Variants in EXOC3L1 observed in about 807,000 individuals in gnomAD.
EXOC3L1 encodes exocyst complex component 3 like 1, also known as exocyst complex component 3-like protein.
EXOC3L1 carries 79 observed loss-of-function variants against 83.6 expected under a neutral mutation model. The observed-to-expected ratio is 0.95, with a 90% CI of 0.79 to 1.14. The LOEUF is 1.14. Among genes scored for constraint, EXOC3L1 ranks in the 50% most tolerant of loss-of-function variants. The probability of loss-of-function intolerance (pLI) is 0.00; values close to 1 mark genes in which losing one functional copy is unlikely to be tolerated. For missense variants in EXOC3L1, 945 were observed against 972.0 expected (o/e 0.97, Z 0.37); for synonymous variants, 433 against 451.2 (o/e 0.96, Z 0.51).
In EXOC3L1 at chr16:67,189,689, G is replaced by A. The variant is rs748268236; in HGVS notation, c.-7-6C>T. On this transcript the variant is annotated splice_region_variant and splice_polypyrimidine_tract_variant and intron_variant, in intron 1 of 13. Transcript: ENST00000314586. ...CTGCTGAGTCCATTGTGGGCCTGGA[G>A]GAGCCAGAGCTGAGGTGGGCCCGGG... The A allele has an allele frequency of 1.2e-6, 2 of 1,613,992 alleles. No homozygotes were observed. Among genetic ancestry groups the A allele is most frequent in the Non-Finnish European group, 1.7e-6 (2 of 1,179,972 alleles).
chr16:67,187,160 T>C (rs1033985730), intron 5 of EXOC3L1, 22 bp from the exon 6 acceptor site: 2 of 1,611,790 alleles, frequency 1.2e-6, no homozygotes, highest in African/African-American at 2.7e-5. Flanking sequence ...TGGCCTGGTG[T>C]CACACCAAGC....
At chr16:67,189,515 C>T (rs373953461) in intron 2 of EXOC3L1, 116 bp downstream of exon 2, 2 of 1,239,614 alleles carry the variant, frequency 1.6e-6, no homozygotes, top group African/African-American at 3.0e-5. Context: ...GACCTCAGGT[C>T]ATCTGCCCAT....
chr16:67,185,712 G>T, intron 9 of EXOC3L1: 1 of 579,338 alleles, frequency 1.7e-6, no homozygotes, highest in Admixed American at 3.1e-5. Context: ...TCAAATTCGC[G>T]GTGCGTCCTT....
At position 67,185,235 on chromosome 16, in the gene EXOC3L1, C is replaced by T; in HGVS notation, c.1650G>A (p.Ser550=). The change falls in exon 11 of 14, where the codon TCG becomes TCA. Residue 550 remains serine (S), a synonymous_variant. Transcript: ENST00000314586. ...GCTCAGGGCTCGACAGCCATTGGCGCGAGGGCAGATCCGCGAACAGGGGCT... is the reference window on the plus strand; with the variant it reads ...GCTCAGGGCTCGACAGCCATTGGCGTGAGGGCAGATCCGCGAACAGGGGCT... ...ELQPLFADLP[S]RQWLSSPELL... is the part of the protein sequence containing the mutation. 3.7e-6 allele frequency: 6 copies of T among 1,613,436 alleles called. No individual in the cohort carries two copies. Among genetic ancestry groups the T allele is most frequent in the Non-Finnish European group, 5.1e-6 (6 of 1,180,016 alleles).
Position 67,189,010 on chromosome 16 carries a change from C to A in EXOC3L1, c.207+10G>T. The A allele has an allele frequency of 6.2e-7, 1 of 1,603,850 alleles. No homozygotes were observed. Among genetic ancestry groups the A allele is most frequent in the East Asian group, 2.2e-5 (1 of 44,550 alleles). ...AGTCCCAGCACCCGCACCCCCTGCC[C>A]CATGCCCACCTTGAGGCGCGATTCC... On this transcript the variant is annotated intron_variant, in intron 3 of 13. Transcript: ENST00000314586.
intron 10 of EXOC3L1, 25 bp from the exon 11 acceptor site, chr16:67,185,283 A>G (rs2032666274): frequency 6.2e-7 from 1 of 1,613,200 alleles, no homozygotes; most frequent in African/African-American, 1.3e-5. Flanking sequence ...CAGATCTGGC[A>G]TTGCCGCGGA....
Position 67,184,448 on chromosome 16 carries a change from C to CGGCGCG in EXOC3L1, c.2181_2186dup (p.Pro729_Ala730dup). The CGGCGCG allele has an allele frequency of 2.0e-6, 3 of 1,529,064 alleles. No individual in the cohort carries two copies. The highest frequency in any genetic ancestry group is 2.6e-6 in the Non-Finnish European group (3 of 1,144,102). 94.7% of individuals were successfully genotyped at this position (1,529,064 alleles called of 1,614,324 possible). ...AGGACCCCGAGGGCAGGCAGGAGGC[C>CGGCGCG]GGCGCGAGCGCGGGCGCGGGCACTA... On this transcript the variant is annotated inframe_insertion, in exon 14 of 14. Coordinates refer to ENST00000314586, the MANE Select transcript of EXOC3L1 (RefSeq NM_178516.4).
At chr16:67,186,683 G>C (rs747960571) in intron 7 of EXOC3L1, 26 bp from the exon 8 acceptor site, 69 of 1,613,568 alleles carry the variant, frequency 4.3e-5, no homozygotes, top group Non-Finnish European at 5.4e-5. Flanking sequence ...AGCAGCCATC[G>C]GCAAAGCCTC....
chr16:67,185,353 G>A lies in EXOC3L1; in HGVS notation c.1626+8C>T, dbSNP rs371403303. ...CCTGCTCCCATCCTGACCTGAAGGA[G>A]GCCTCACCTGGAGCTCCGCCTGCAG... On this transcript the variant is annotated splice_region_variant and intron_variant, in intron 10 of 13. Coordinates refer to ENST00000314586, the MANE Select transcript of EXOC3L1 (RefSeq NM_178516.4). 68 of 1,612,850 alleles carry A rather than the reference G, an allele frequency of 4.2e-5. No homozygotes were observed. In the African/African-American group the frequency reaches 7.9e-4, roughly 19 times the overall value.
chr16:67,186,386 G>A, intron 8 of EXOC3L1, 39 bp from the exon 9 acceptor site: 3 of 1,493,586 alleles, frequency 2.0e-6, no homozygotes, highest in African/African-American at 1.4e-5. Context: ...TTGCTGCTAT[G>A]CTGGCATCCC....
rs772007715 is a variant in EXOC3L1, at chr16:67,189,699, C to T, written c.-7-16G>A. 15 of 1,613,702 alleles carry T rather than the reference C, an allele frequency of 9.3e-6. No homozygotes were observed. Among genetic ancestry groups the T allele is most frequent in the Non-Finnish European group, 1.2e-5 (14 of 1,179,854 alleles). ...CATTGTGGGCCTGGAGGAGCCAGAG[C>T]TGAGGTGGGCCCGGGGCAAGCAGGC... On this transcript the variant is annotated splice_polypyrimidine_tract_variant and intron_variant, in intron 1 of 13. Coordinates refer to ENST00000314586, the MANE Select transcript of EXOC3L1 (RefSeq NM_178516.4).
chr16:67,185,127 C>T lies in EXOC3L1; in HGVS notation c.1749+9G>A. On this transcript the variant is annotated intron_variant, in intron 11 of 13. Coordinates refer to ENST00000314586, the MANE Select transcript of EXOC3L1 (RefSeq NM_178516.4). ...GCCGCCCCTTCCCCAATCTTTTCCCCCAACCCACCTGAACCGTGGGGTTCC... is the reference window on the plus strand; with the variant it reads ...GCCGCCCCTTCCCCAATCTTTTCCCTCAACCCACCTGAACCGTGGGGTTCC... 6.2e-7 allele frequency: 1 copy of T among 1,613,210 alleles called. No homozygotes were observed. The highest frequency in any genetic ancestry group is 1.7e-5 in the Admixed American group (1 of 60,032).
Position 67,184,570 on chromosome 16 carries a change from C to G in EXOC3L1, c.2065G>C (p.Gly689Arg). 1 of 1,552,288 alleles carries G rather than the reference C, an allele frequency of 6.4e-7. No individual in the cohort carries two copies. Among genetic ancestry groups the G allele is most frequent in the Non-Finnish European group, 8.6e-7 (1 of 1,156,968 alleles). The change falls in exon 14 of 14, where the codon GGG (glycine) becomes CGG (arginine). Residue 689 changes from glycine to arginine, a missense_variant. Coordinates refer to ENST00000314586, the MANE Select transcript of EXOC3L1 (RefSeq NM_178516.4). ...AGGTGCTGCTCCCGGGACAAGTCCCCGCGCAGGCCCAAGAGGGCGGAGACG... is the reference window on the plus strand; with the variant it reads ...AGGTGCTGCTCCCGGGACAAGTCCCGGCGCAGGCCCAAGAGGGCGGAGACG... ...DHVSALLGLR[G>R]DLSREQHLAA...
At chr16:67,189,358 C>A (rs1055237772) in intron 2 of EXOC3L1, among the ~76,000 whole-genome samples, 178 bp from the exon 3 acceptor site, 1 of 152,034 alleles carries the variant, frequency 6.6e-6, no homozygotes, top group Non-Finnish European at 1.5e-5. Flanking sequence ...GTCCCTGTAA[C>A]CTCCGCCTCC....
At position 67,185,203 on chromosome 16, in the gene EXOC3L1, T is replaced by C. The variant is rs1057362266; in HGVS notation, c.1682A>G (p.Gln561Arg). ...RQWLSSPELL[Q>R]SVCERTGRFC... ...GCGCCCCGTCCGTTCACACACACTTTGCAGGAGCTCAGGGCTCGACAGCCA... is the reference window on the plus strand; with the variant it reads ...GCGCCCCGTCCGTTCACACACACTTCGCAGGAGCTCAGGGCTCGACAGCCA... The change falls in exon 11 of 14, where the codon CAA becomes CGA. Residue 561 changes from glutamine to arginine, a missense_variant. Gln to Arg is a conservative substitution (Grantham distance 43). Coordinates refer to ENST00000314586, the MANE Select transcript of EXOC3L1 (RefSeq NM_178516.4). 19 of 1,612,714 alleles carry C rather than the reference T, an allele frequency of 1.2e-5. No individual in the cohort carries two copies. Among genetic ancestry groups the C allele is most frequent in the Middle Eastern group, 1.6e-4 (1 of 6,074 alleles).
At chr16:67,186,911 A>G in intron 6 of EXOC3L1, 27 bp from the exon 7 acceptor site, 1 of 1,613,250 alleles carries the variant, frequency 6.2e-7, no homozygotes, top group Non-Finnish European at 8.5e-7. Flanking sequence ...GGGGCAAAGG[A>G]ATGTAGCAGG....
intron 4 of EXOC3L1, 52 bp from the exon 5 acceptor site, chr16:67,187,889 C>G: frequency 6.5e-7 from 1 of 1,527,214 alleles, no homozygotes; most frequent in Admixed American, 2.0e-5. Context: ...CCCACCGCCT[C>G]AATGTGTACA....
At position 67,187,302 on chromosome 16, in the gene EXOC3L1, C is replaced by T; in HGVS notation, c.963G>A (p.Gln321=). 1 of 1,613,014 alleles carries T rather than the reference C, an allele frequency of 6.2e-7. No homozygotes were observed. The highest frequency in any genetic ancestry group is 8.5e-7 in the Non-Finnish European group (1 of 1,179,996). ...CTAGCTCAGGCCCTGCAAGGAGGTT[C>T]TGCAGGCTGCGGCGCAAACCACTAT... ...TLHSGLRRSL[Q]NLLAGPELEA... Residue 321 remains glutamine, a synonymous_variant, in exon 5 of 14, where the codon CAG becomes CAA. Coordinates refer to ENST00000314586, the MANE Select transcript of EXOC3L1 (RefSeq NM_178516.4).
chr16:67,188,803 CTG>C lies in EXOC3L1; in HGVS notation c.343_344del (p.Gln115AspfsTer40), dbSNP rs1165107810. 2 of 1,613,390 alleles carry C rather than the reference CTG, an allele frequency of 1.2e-6. No homozygotes were observed. The highest frequency in any genetic ancestry group is 3.3e-5 in the Admixed American group (2 of 60,032). On this transcript the variant is annotated frameshift_variant, in exon 4 of 14. Transcript: ENST00000314586. LOFTEE classifies it high-confidence loss of function. ...GLLQGMSQALQTLEPLRERVA... is the reference protein window; with the variant it reads ...GLLQGMSQALXTLEPLRERVA... Reference sequence around the variant, plus strand: ...CCCGCTCCCGTAGGGGCTCTAGAGTCTGTAAGGCCTGGGACATGCCCTGGAGC... The same window carrying C: ...CCCGCTCCCGTAGGGGCTCTAGAGTCTAAGGCCTGGGACATGCCCTGGAGC...
Sources: allele counts gnomAD v4.1 joint callset (sites outside exome capture counted in the v4.1 genomes callset), GRCh38; gene constraint gnomAD v4.1.1; transcripts MANE v1.5; gene names NCBI Gene and HGNC (gene_info 2026-07-23, HGNC 2026-07-21).